SV2B: variants seen among roughly 807,000 people sequenced by gnomAD.
SV2B encodes solute carrier family 22 member B2.
SV2B carries 41 observed loss-of-function variants against 73.9 expected under a neutral mutation model. That is an observed-to-expected ratio of 0.56 (90% confidence interval 0.43 to 0.72). The LOEUF is 0.72. SV2B is among the 30% of genes least tolerant of loss of function. The pLI is 0.00. For synonymous variants in SV2B, 314 were observed against 314.2 expected (o/e 1.00, Z 0.01); for missense variants, 764 against 857.8 (o/e 0.89, Z 1.37).
In SV2B at chr15:91,268,736, C is replaced by T. The variant is rs2048194414; in HGVS notation, c.1373+131C>T. On this transcript the variant is annotated intron_variant, in intron 9 of 12. Transcript: ENST00000394232. The surrounding 1 kb of genome is among the most constrained non-coding windows in gnomAD (Gnocchi z 4.4). ...AGCGCCAAGGCTGGTGTCATCATCA[C>T]AACCTGTCATGGCTGCCAGTGACGC... 1.6e-6 allele frequency: 2 copies of T among 1,224,486 alleles called. No individual in the cohort carries two copies. The highest frequency in any genetic ancestry group is 2.2e-6 in the Non-Finnish European group (2 of 898,206). The allele number at this position is 1,224,486 out of a possible 1,614,324, so 75.9% of individuals were successfully genotyped here.
In SV2B at chr15:91,242,709, C is replaced by T. The variant is rs1002487494; in HGVS notation, c.452-9110C>T. ...GGGTGAATAGCAGAATAAGAGTAAC[C>T]GTCATAGGATGAAGAGATCTGACCC... is the stretch of plus-strand genomic sequence containing the variant. On this transcript the variant is annotated intron_variant, in intron 2 of 12. Coordinates refer to ENST00000394232, the MANE Select transcript of SV2B (RefSeq NM_001323032.3). This position sits in a 1 kb window ranked among gnomAD's most constrained non-coding sequence, Gnocchi z 4.9. 3.3e-5 allele frequency among the ~76,000 whole-genome samples: 5 copies of T among 152,066 alleles called. No individual in the cohort carries two copies. The highest frequency in any genetic ancestry group is 1.2e-4 in the African/African-American group (5 of 41,384).
chr15:91,274,956 A>G (rs985962347), intron 9 of SV2B, among the ~76,000 whole-genome samples: 10 of 152,190 alleles, frequency 6.6e-5, no homozygotes, highest in African/African-American at 1.9e-4. Context: ...AATCTCCAGC[A>G]TCTTTCTGAT....
chr15:91,275,351 A>G (rs948423428), intron 9 of SV2B, among the ~76,000 whole-genome samples: 13 of 152,338 alleles, frequency 8.5e-5, no homozygotes, highest in African/African-American at 3.1e-4. Flanking sequence ...ATGTGCCTTC[A>G]AGTATTATTC....
intron 6 of SV2B, among the ~76,000 whole-genome samples, chr15:91,263,094 G>A (rs1211454685): frequency 6.6e-6 from 1 of 151,370 alleles, no homozygotes; most frequent in Non-Finnish European, 1.5e-5. Context: ...ACAAAGACAC[G>A]GAGACACACA....
At chr15:91,213,795 A>G (rs577754529) in intron 1 of SV2B, among the ~76,000 whole-genome samples, 1 of 152,320 alleles carries the variant, frequency 6.6e-6, no homozygotes, top group African/African-American at 2.4e-5. Context: ...TATGTTATTG[A>G]TGGTAGCCAG....
chr15:91,139,826 G>A lies in SV2B; in HGVS notation c.-392+39463G>A, dbSNP rs539423070. ...CAGGCGTCAGTTGGTTGTAAAAGAC[G>A]TAAACTAAGATTGTCCTGGAGAAAC... is the stretch of plus-strand genomic sequence containing the variant. On this transcript the variant is annotated intron_variant, in intron 1 of 12. Transcript: ENST00000394232. This position sits in a 1 kb window ranked among gnomAD's most constrained non-coding sequence, Gnocchi z 5.2. 2.6e-5 allele frequency among the ~76,000 whole-genome samples: 4 copies of A among 152,300 alleles called. No homozygotes were observed. The highest frequency in any genetic ancestry group is 3.9e-4 in the East Asian group (2 of 5,184).
rs776670659 is a variant in SV2B, at chr15:91,265,660, C to G, written c.1009-922C>G. Among the ~76,000 whole-genome samples the G allele has an allele frequency of 1.3e-5, 2 of 152,242 alleles. No homozygotes were observed. The highest frequency in any genetic ancestry group is 2.9e-5 in the Non-Finnish European group (2 of 68,040). On this transcript the variant is annotated intron_variant, in intron 6 of 12. Transcript: ENST00000394232. This position sits in a 1 kb window ranked among gnomAD's most constrained non-coding sequence, Gnocchi z 4.2. ...AGCCCAGCTGCAGCCAAGAGTTCAG[C>G]TGCAGAGCCTGCTTTGTTAGTTCTG...
intron 2 of SV2B, among the ~76,000 whole-genome samples, chr15:91,243,361 T>C (rs144441565): frequency 7.2e-4 from 110 of 152,262 alleles, no homozygotes; most frequent in African/African-American, 2.5e-3. Flanking sequence ...ACATCTCTAG[T>C]GTGGTGGTAT....
intron 1 of SV2B, among the ~76,000 whole-genome samples, chr15:91,177,102 CAA>C (rs1401163389): frequency 1.3e-5 from 2 of 149,170 alleles, no homozygotes; most frequent in African/African-American, 5.0e-5. Context: ...TTTCAGCTTT[CAA>C]CATATGGCTA....
At chr15:91,243,359 A>G (rs1567383659) in intron 2 of SV2B, among the ~76,000 whole-genome samples, 1 of 152,140 alleles carries the variant, frequency 6.6e-6, no homozygotes, top group African/African-American at 2.4e-5. Flanking sequence ...AAACATCTCT[A>G]GTGTGGTGGT....
chr15:91,245,603 C>T lies in SV2B; in HGVS notation c.452-6216C>T, dbSNP rs1009251641. 1.3e-4 allele frequency among the ~76,000 whole-genome samples: 20 copies of T among 152,140 alleles called. No homozygotes were observed. The highest frequency in any genetic ancestry group is 4.8e-4 in the African/African-American group (20 of 41,420). On this transcript the variant is annotated intron_variant, in intron 2 of 12. Coordinates refer to ENST00000394232, the MANE Select transcript of SV2B (RefSeq NM_001323032.3). This position sits in a 1 kb window ranked among gnomAD's most constrained non-coding sequence, Gnocchi z 4.2. ...TTATTGAACAAATATTAATGGAGTA[C>T]CTACTATGTGTACATCTCTGTGCTA...
intron 12 of SV2B, 120 bp from the exon 13 acceptor site, chr15:91,292,249 A>T (rs2049067130): frequency 4.5e-6 from 4 of 890,022 alleles, no homozygotes; most frequent in Non-Finnish European, 4.9e-6. Context: ...TTATTTTTAT[A>T]TTTAGGAAAA....
chr15:91,219,820 A>G (rs758378061), intron 1 of SV2B, among the ~76,000 whole-genome samples: 1 of 152,162 alleles, frequency 6.6e-6, no homozygotes, highest in Non-Finnish European at 1.5e-5. Flanking sequence ...GGCAACCACT[A>G]ATCTACTTTC....
chr15:91,261,234 G>T lies in SV2B; in HGVS notation c.1008+825G>T, dbSNP rs2047899993. Among the ~76,000 whole-genome samples, 3 of 151,430 alleles carry T rather than the reference G, an allele frequency of 2.0e-5. No individual in the cohort carries two copies. The South Asian group carries it at 6.2e-4, about 31-fold the overall frequency. On this transcript the variant is annotated intron_variant, in intron 6 of 12. Transcript: ENST00000394232. This position sits in a 1 kb window ranked among gnomAD's most constrained non-coding sequence, Gnocchi z 4.7. ...GCTGAGATAGTGCCACTGCACTCCA[G>T]CCTGGGCAACAGAGCAGGACTGTGT...
intron 1 of SV2B, among the ~76,000 whole-genome samples, chr15:91,210,690 A>G (rs549840351): frequency 6.6e-6 from 1 of 152,224 alleles, no homozygotes; most frequent in East Asian, 1.9e-4. Context: ...AAGAGATCAA[A>G]TTTCCAGCCA....
chr15:91,120,543 G>T lies in SV2B; in HGVS notation c.-392+20180G>T, dbSNP rs148985685. On this transcript the variant is annotated intron_variant, in intron 1 of 12. Coordinates refer to ENST00000394232, the MANE Select transcript of SV2B (RefSeq NM_001323032.3). Reference sequence around the variant, plus strand: ...AATAAGAATAGAGGGCAGGCACGGTGGCTCACATGCCTGTAATCTCAGCAG... The same window carrying T: ...AATAAGAATAGAGGGCAGGCACGGTTGCTCACATGCCTGTAATCTCAGCAG... 2.2e-4 allele frequency among the ~76,000 whole-genome samples: 33 copies of T among 152,238 alleles called. No homozygotes were observed. The East Asian group carries it at 6.2e-3, about 29-fold the overall frequency.
In SV2B at chr15:91,268,042, A is replaced by G. The variant is rs2048166477; in HGVS notation, c.1208+399A>G. On this transcript the variant is annotated intron_variant, in intron 8 of 12. Coordinates refer to ENST00000394232, the MANE Select transcript of SV2B (RefSeq NM_001323032.3). The surrounding 1 kb of genome is among the most constrained non-coding windows in gnomAD (Gnocchi z 4.4). Reference sequence around the variant, plus strand: ...GGTCTTGAATTCCTGACCTCAAGTGATCTGCCTTCCTTGGCCTCCCAAAGT... The same window carrying G: ...GGTCTTGAATTCCTGACCTCAAGTGGTCTGCCTTCCTTGGCCTCCCAAAGT... Among the ~76,000 whole-genome samples, 1 of 152,176 alleles carries G rather than the reference A, an allele frequency of 6.6e-6. No homozygotes were observed. The highest frequency in any genetic ancestry group is 2.1e-4 in the South Asian group (1 of 4,822).
chr15:91,160,475 G>A (rs577565134), intron 1 of SV2B, among the ~76,000 whole-genome samples: 1 of 152,282 alleles, frequency 6.6e-6, no homozygotes, highest in African/African-American at 2.4e-5. Flanking sequence ...GAGCGTGGTG[G>A]TGCATGCCTA....
chr15:91,233,615 G>A lies in SV2B; in HGVS notation c.451+6901G>A, dbSNP rs369971973. Among the ~76,000 whole-genome samples the A allele has an allele frequency of 7.9e-5, 12 of 152,280 alleles. No individual in the cohort carries two copies. The East Asian group carries it at 1.9e-3, about 24-fold the overall frequency. On this transcript the variant is annotated intron_variant, in intron 2 of 12. Coordinates refer to ENST00000394232, the MANE Select transcript of SV2B (RefSeq NM_001323032.3). ...CTGAAAGTTAGCATGGGGATGTGTG[G>A]GAAGACTGATGAAATTGGGAACACT... is the stretch of plus-strand genomic sequence containing the variant.
Sources: gnomAD v4.1 joint callset for allele counts (sites outside exome capture counted in the v4.1 genomes callset) on GRCh38, gnomAD v4.1.1 for gene constraint, Gnocchi (gnomAD v3.1) non-coding constraint, MANE v1.5 for transcripts, NCBI Gene and HGNC (gene_info 2026-07-23, HGNC 2026-07-21) for gene names.